The following TNKS variants were observed in gnomAD, a reference collection of about 807,000 sequenced individuals.
TNKS encodes poly [ADP-ribose] polymerase tankyrase-1.
In TNKS, 72 loss-of-function variants were observed where a neutral mutation model predicts 135.8. That is an observed-to-expected ratio of 0.53 (90% CI 0.44 to 0.64). TNKS has a LOEUF of 0.64. Ranked by LOEUF, TNKS falls within the 30% of genes least tolerant of loss-of-function variation. The probability of loss-of-function intolerance (pLI) is 0.00; values close to 1 mark genes in which losing one functional copy is unlikely to be tolerated. For missense variants in TNKS, 1,769 were observed against 1,674.0 expected, an observed-to-expected ratio of 1.06 and a Z score of -0.99; for synonymous variants, 849 against 649.3, an observed-to-expected ratio of 1.31 and a Z score of -4.68.
intron 2 of TNKS, among the ~76,000 whole-genome samples, chr8:9,595,728 C>G (rs1434538877): frequency 6.6e-6 from 1 of 152,028 alleles, no homozygotes; most frequent in Non-Finnish European, 1.5e-5. Context: ...TACAGTGATG[C>G]AAGGCTTTAC....
At chr8:9,576,457 C>T (rs1029882031) in intron 1 of TNKS, among the ~76,000 whole-genome samples, 7 of 151,266 alleles carry the variant, frequency 4.6e-5, no homozygotes, top group African/African-American at 1.7e-4. Flanking sequence ...GAGGTGCCAC[C>T]ACCCCCCTCT....
chr8:9,599,525 G>A (rs1798931024), intron 2 of TNKS, among the ~76,000 whole-genome samples: 1 of 152,178 alleles, frequency 6.6e-6, no homozygotes, highest in South Asian at 2.1e-4. Context: ...TCCTGGGACA[G>A]AACTTTCAGT....
chr8:9,696,239 G>C (rs552382172), intron 5 of TNKS, among the ~76,000 whole-genome samples: 2 of 152,218 alleles, frequency 1.3e-5, no homozygotes, highest in Admixed American at 6.6e-5. Context: ...AATGTCAAGA[G>C]AATGAAAACC....
Position 9,735,489 on chromosome 8 carries a change from A to C in TNKS, c.2643+3A>C. On this transcript the variant is annotated splice_donor_region_variant and intron_variant, in intron 17 of 26. Coordinates refer to ENST00000310430, the MANE Select transcript of TNKS (RefSeq NM_003747.3). The stretch of plus-strand genomic sequence containing the variant: ...TTCATAATGCGGCATCTTATGGGGT[A>C]AGCATACTAACATTAAAATCTAGAA... 6.2e-7 allele frequency: 1 copy of C among 1,610,638 alleles called. No homozygotes were observed. The highest frequency in any genetic ancestry group is 8.5e-7 in the Non-Finnish European group (1 of 1,176,874).
chr8:9,674,080 TAG>T (rs1487665532), intron 3 of TNKS, among the ~76,000 whole-genome samples: 1 of 152,204 alleles, frequency 6.6e-6, no homozygotes, highest in Non-Finnish European at 1.5e-5. Context: ...AACAATTTAG[TAG>T]AGTGTTTTTT....
chr8:9,671,774 A>T (rs1295212027), intron 3 of TNKS, among the ~76,000 whole-genome samples: 4 of 152,208 alleles, frequency 2.6e-5, no homozygotes, highest in African/African-American at 9.6e-5. Context: ...TGAATAAGAA[A>T]AGACACAGTT....
chr8:9,751,392 A>T (rs917430393), intron 18 of TNKS, among the ~76,000 whole-genome samples: 7 of 152,202 alleles, frequency 4.6e-5, no homozygotes, highest in Non-Finnish European at 1.0e-4. Flanking sequence ...TGAAAGAAGA[A>T]ATATCTTTAA....
intron 11 of TNKS, among the ~76,000 whole-genome samples, chr8:9,714,784 A>G (rs1804522375): frequency 6.6e-6 from 1 of 152,350 alleles, no homozygotes; most frequent in East Asian, 1.9e-4. Context: ...TAAGAAAGCT[A>G]CAGAGAAACA....
intron 1 of TNKS, among the ~76,000 whole-genome samples, chr8:9,574,724 G>A (rs1465892312): frequency 1.3e-5 from 2 of 152,144 alleles, no homozygotes; most frequent in East Asian, 3.8e-4. Flanking sequence ...TAGTGTGTCT[G>A]GCTATGAAAG....
chr8:9,772,224 C>T lies in TNKS; in HGVS notation c.3897+1962C>T, dbSNP rs552871988. The T allele has an allele frequency of 7.1e-5, 25 of 353,580 alleles. No homozygotes were observed. In the Middle Eastern group the frequency reaches 1.2e-3, roughly 16 times the overall value. The allele number at this position is 353,580 out of a possible 1,614,324, so 21.9% of individuals were successfully genotyped here. A position where few individuals can be genotyped will look rare whatever the true frequency, so the allele number is the denominator to read the frequency against. On this transcript the variant is annotated intron_variant, in intron 26 of 26. Coordinates refer to ENST00000310430, the MANE Select transcript of TNKS (RefSeq NM_003747.3). ...GTTTCACTAAGGAGAAGAATATTTG[C>T]GTGGTTTTCTTATTACAGACTTACT...
intron 1 of TNKS, chr8:9,575,126 G>T: frequency 1.0e-6 from 1 of 954,776 alleles, no homozygotes; most frequent in East Asian, 1.2e-4. Context: ...TCGCTCTGTT[G>T]CCCAGGCTGG....
At position 9,633,855 on chromosome 8, in the gene TNKS, A is replaced by C. The variant is rs867444672; in HGVS notation, c.994+18178A>C. ...GAAGCAGATTTTCCAGCCGCATTTA[A>C]GCCTTGAGATGAGATATGATAGTCC... On this transcript the variant is annotated intron_variant, in intron 3 of 26. Transcript: ENST00000310430. 7.2e-5 allele frequency among the ~76,000 whole-genome samples: 11 copies of C among 152,298 alleles called. 1 individual carries two copies. The highest frequency in any genetic ancestry group is 2.6e-4 in the African/African-American group (11 of 41,552).
rs1798114188 is a variant in TNKS, at chr8:9,580,153, T to A, written c.674-6T>A. 6.2e-7 allele frequency: 1 copy of A among 1,613,520 alleles called. No individual in the cohort carries two copies. Among genetic ancestry groups the A allele is most frequent in the African/African-American group, 1.3e-5 (1 of 75,004 alleles). The stretch of plus-strand genomic sequence containing the variant: ...ATATACAAGACATTTTTTCGTTTCT[T>A]TTTAGGTTTTGGAAGGAAGGATGTT... On this transcript the variant is annotated splice_region_variant and splice_polypyrimidine_tract_variant and intron_variant, in intron 1 of 26. Coordinates refer to ENST00000310430, the MANE Select transcript of TNKS (RefSeq NM_003747.3).
chr8:9,749,489 C>T (rs1373436226), intron 18 of TNKS, among the ~76,000 whole-genome samples: 1 of 149,412 alleles, frequency 6.7e-6, no homozygotes, highest in Non-Finnish European at 1.5e-5. Flanking sequence ...TTTTTTTCCC[C>T]CTTAAGACAC....
intron 26 of TNKS, among the ~76,000 whole-genome samples, chr8:9,774,765 CGT>C (rs1338361137): frequency 1.3e-5 from 2 of 152,152 alleles, no homozygotes; most frequent in Non-Finnish European, 2.9e-5. Flanking sequence ...CTAAGATGGA[CGT>C]GTGTCAGGGA....
intron 3 of TNKS, among the ~76,000 whole-genome samples, chr8:9,655,763 C>T (rs1337769356): frequency 1.3e-5 from 2 of 151,954 alleles, no homozygotes; most frequent in Admixed American, 6.6e-5. Context: ...CATCAAAGAC[C>T]AAAGGTAGAT....
intron 1 of TNKS, among the ~76,000 whole-genome samples, chr8:9,567,478 C>T (rs1429887607): frequency 2.6e-5 from 4 of 152,130 alleles, no homozygotes; most frequent in East Asian, 1.9e-4. Flanking sequence ...CGCAGTGGCG[C>T]GATCTTGGCT....
intron 12 of TNKS, among the ~76,000 whole-genome samples, chr8:9,721,898 A>G (rs1490652039): frequency 3.9e-5 from 6 of 151,976 alleles, no homozygotes; most frequent in African/African-American, 9.6e-5. Context: ...ACTAAATGTT[A>G]AAAAATTAGC....
At chr8:9,671,148 G>C (rs908898167) in intron 3 of TNKS, 1 of 151,866 alleles carries the variant, frequency 6.6e-6, no homozygotes, top group South Asian at 2.1e-4. Context: ...TTCTATAGGT[G>C]ACATGAGAAT....
Sources: gnomAD v4.1 joint callset for allele counts (sites outside exome capture counted in the v4.1 genomes callset) on GRCh38, gnomAD v4.1.1 for gene constraint, MANE v1.5 for transcripts, NCBI Gene and HGNC (gene_info 2026-07-23, HGNC 2026-07-21) for gene names.